The following IKZF2 variants were observed in gnomAD, a reference collection of about 807,000 sequenced individuals.
IKZF2 encodes the protein IKAROS family zinc finger 2.
A neutral mutation model predicts 49.2 loss-of-function variants in IKZF2; 15 were observed. The ratio of observed to expected loss-of-function variants is 0.30; its 90% CI spans 0.20 to 0.47. The LOEUF (loss-of-function observed/expected upper bound fraction) is 0.47. Among genes scored for constraint, IKZF2 ranks in the 20% least tolerant of loss-of-function variants. The pLI, the probability that IKZF2 is intolerant of heterozygous loss-of-function variation, is 1.00. For missense variants in IKZF2, 567 were observed against 664.6 expected, an observed-to-expected ratio of 0.85 and a Z score of 1.61; for synonymous variants, 227 against 221.4, an observed-to-expected ratio of 1.03 and a Z score of -0.23.
intron 6 of IKZF2, among the ~76,000 whole-genome samples, chr2:213,026,997 G>T (rs769894980): frequency 6.6e-6 from 1 of 151,984 alleles, no homozygotes; most frequent in Non-Finnish European, 1.5e-5. Context: ...ATAGTCCCAA[G>T]TGGCATTTAA....
chr2:213,134,527 A>G (rs1397708130), intron 4 of IKZF2, among the ~76,000 whole-genome samples: 1 of 152,212 alleles, frequency 6.6e-6, no homozygotes, highest in Non-Finnish European at 1.5e-5. Flanking sequence ...ACTGGTTTAT[A>G]ACTAATATAA....
chr2:213,083,551 CTTTTTTTTT>C (rs35297007), intron 4 of IKZF2, among the ~76,000 whole-genome samples: 1 of 93,950 alleles, frequency 1.1e-5, no homozygotes, highest in Non-Finnish European at 2.0e-5. Context: ...ACCAGGCTAA[CTTTTTTTTT>C]TTTTTTTTTT....
chr2:213,136,592 T>C (rs1242893901), intron 4 of IKZF2, among the ~76,000 whole-genome samples: 1 of 152,102 alleles, frequency 6.6e-6, no homozygotes, highest in Non-Finnish European at 1.5e-5. Flanking sequence ...CAAAGTTAAA[T>C]GGATGTAATC....
Position 213,007,097 on chromosome 2 carries a change from T to G in IKZF2, c.*263A>C. On this transcript the variant is annotated 3_prime_UTR_variant, in exon 9 of 9. Transcript: ENST00000434687. Reference sequence around the variant, plus strand: ...AAAGCATGATATGCCTTGGTAGAAATGGACTGCTCTTAAATTCCCACAAAA... The same window carrying G: ...AAAGCATGATATGCCTTGGTAGAAAGGGACTGCTCTTAAATTCCCACAAAA... The G allele has an allele frequency of 2.8e-6, 1 of 353,272 alleles. No homozygotes were observed. Among genetic ancestry groups the G allele is most frequent in the Non-Finnish European group, 5.1e-6 (1 of 195,454 alleles). 21.9% of individuals were successfully genotyped at this position (353,272 alleles called of 1,614,324 possible). A position where few individuals can be genotyped will look rare whatever the true frequency, so the allele number is the denominator to read the frequency against.
In IKZF2 at chr2:213,147,799, A is replaced by C. The variant is rs529043218; in HGVS notation, c.48T>G (p.Leu16=). ...IDGYITCDNE[L]SPEREHSNMA... ...TATTGGAGTGCTCCCTTTCGGGTGA[A>C]AGCTCATTGTCACCTGCTTTCACAA... Residue 16 remains leucine, a synonymous_variant, in exon 4 of 9, where the codon CTT becomes CTG. Coordinates refer to ENST00000434687, the MANE Select transcript of IKZF2 (RefSeq NM_001387220.1). The C allele has an allele frequency of 2.5e-6, 4 of 1,612,454 alleles. No homozygotes were observed. The East Asian group carries it at 8.9e-5, about 36-fold the overall frequency.
At chr2:213,039,515 T>C (rs575719009) in intron 6 of IKZF2, among the ~76,000 whole-genome samples, 62 of 152,096 alleles carry the variant, frequency 4.1e-4, no homozygotes, top group Middle Eastern at 3.2e-3. Flanking sequence ...CTGAAAATTG[T>C]CAAACACTGA....
chr2:213,114,546 G>A (rs983968407), intron 4 of IKZF2, among the ~76,000 whole-genome samples: 2 of 152,124 alleles, frequency 1.3e-5, no homozygotes, highest in African/African-American at 4.8e-5. Context: ...CAGGGTAAGA[G>A]ATTTTTCCAA....
chr2:213,150,587 AAGAG>A (rs939294352), intron 1 of IKZF2, among the ~76,000 whole-genome samples: 11 of 151,180 alleles, frequency 7.3e-5, no homozygotes, highest in African/African-American at 9.7e-5. Flanking sequence ...GAGGAAAAAA[AAGAG>A]AGAGAGAGAG....
chr2:213,127,223 C>A (rs771806588), intron 4 of IKZF2, among the ~76,000 whole-genome samples: 6 of 152,188 alleles, frequency 3.9e-5, no homozygotes, highest in Non-Finnish European at 8.8e-5. Flanking sequence ...GGCAGTTACA[C>A]TTATCAAAGA....
chr2:213,147,598 A>G (rs754922614), intron 4 of IKZF2, 110 bp downstream of exon 4: 35 of 817,284 alleles, frequency 4.3e-5, no homozygotes, highest in Middle Eastern at 2.2e-4. Flanking sequence ...AGCAAAATCT[A>G]TAACAGTAGC....
intron 4 of IKZF2, among the ~76,000 whole-genome samples, chr2:213,108,287 T>C (rs139018324): frequency 6.6e-6 from 1 of 152,314 alleles, no homozygotes; most frequent in African/African-American, 2.4e-5. Flanking sequence ...TTTTAAAAAA[T>C]TTCTTCTACA....
intron 4 of IKZF2, among the ~76,000 whole-genome samples, chr2:213,126,515 G>A (rs143561042): frequency 6.6e-6 from 1 of 152,226 alleles, no homozygotes; most frequent in African/African-American, 2.4e-5. Context: ...ACCATATAGA[G>A]TTGGTAATAA....
At position 213,075,526 on chromosome 2, in the gene IKZF2, A is replaced by C. The variant is rs573493678; in HGVS notation, c.140-18427T>G. On this transcript the variant is annotated intron_variant, in intron 4 of 8. Coordinates refer to ENST00000434687, the MANE Select transcript of IKZF2 (RefSeq NM_001387220.1). The stretch of plus-strand genomic sequence containing the variant: ...TGTCATTAGTAGAAGTTTATTTTTT[A>C]AAGTGACAGTTTGCTCCAAATGTCA... Among the ~76,000 whole-genome samples the C allele has an allele frequency of 1.6e-4, 25 of 152,278 alleles. No individual in the cohort carries two copies. The South Asian group carries it at 5.2e-3, about 32-fold the overall frequency.
intron 5 of IKZF2, among the ~76,000 whole-genome samples, chr2:213,052,834 C>A (rs1429169600): frequency 6.6e-6 from 1 of 151,934 alleles, no homozygotes; most frequent in Non-Finnish European, 1.5e-5. Context: ...TATTTCCTGG[C>A]CTAGGCATTA....
chr2:213,045,339 C>A (rs1700051355), intron 6 of IKZF2, among the ~76,000 whole-genome samples: 1 of 152,194 alleles, frequency 6.6e-6, no homozygotes, highest in African/African-American at 2.4e-5. Flanking sequence ...AACATAGCCA[C>A]TGACACTAGG....
At position 213,071,367 on chromosome 2, in the gene IKZF2, G is replaced by GA. The variant is rs1702684370; in HGVS notation, c.140-14269dup. Among the ~76,000 whole-genome samples, 10 of 152,162 alleles carry GA rather than the reference G, an allele frequency of 6.6e-5. No homozygotes were observed. In the South Asian group the frequency reaches 1.9e-3, roughly 28 times the overall value. ...CAAGTGAAATGCAACAAAATAAACA[G>GA]AAAAATGCAAAGAATCTGCAGAGAA... On this transcript the variant is annotated intron_variant, in intron 4 of 8. Transcript: ENST00000434687.
chr2:213,110,275 T>C (rs1309334734), intron 4 of IKZF2, among the ~76,000 whole-genome samples: 1 of 151,842 alleles, frequency 6.6e-6, no homozygotes, highest in Non-Finnish European at 1.5e-5. Flanking sequence ...TAGTGAAGAG[T>C]CTTGTTCCAT....
chr2:213,106,490 G>A (rs2059533068), intron 4 of IKZF2, among the ~76,000 whole-genome samples: 1 of 151,872 alleles, frequency 6.6e-6, no homozygotes. Context: ...ATATTAGCCA[G>A]GCATGGTGGT....
At chr2:213,083,747 C>G (rs4673724) in intron 4 of IKZF2, among the ~76,000 whole-genome samples, 131,625 of 150,008 alleles carry the variant, frequency 0.88, 57,991 homozygotes, top group African/African-American at 0.91. Context: ...AGAGATCTAG[C>G]TTGTGTGCTC....
Sources: gnomAD v4.1 joint callset for allele counts (sites outside exome capture counted in the v4.1 genomes callset) on GRCh38, gnomAD v4.1.1 for gene constraint, MANE v1.5 for transcripts, NCBI Gene and HGNC (gene_info 2026-07-23, HGNC 2026-07-21) for gene names.